The following THSD7B variants were observed in gnomAD, a reference collection of about 807,000 sequenced individuals.
THSD7B encodes thrombospondin type-1 domain-containing protein 7B.
THSD7B carries 138 observed loss-of-function variants against 213.6 expected under a neutral mutation model. The ratio of observed to expected loss-of-function variants is 0.65; its 90% CI spans 0.56 to 0.74. The LOEUF (loss-of-function observed/expected upper bound fraction) is 0.74. Among genes scored for constraint, THSD7B ranks in the 30% least tolerant of loss-of-function variants. THSD7B has a pLI of 0.00. For synonymous variants in THSD7B, 742 were observed against 687.0 expected (o/e 1.08, Z -1.25); for missense variants, 1,931 against 1,991.5 (o/e 0.97, Z 0.58).
chr2:137,079,554 A>C (rs1021328126), intron 3 of THSD7B, among the ~76,000 whole-genome samples: 1 of 152,132 alleles, frequency 6.6e-6, no homozygotes, highest in Middle Eastern at 3.2e-3. Context: ...TTCTTGTTTT[A>C]ATTTGGCTGT....
intron 2 of THSD7B, among the ~76,000 whole-genome samples, chr2:136,995,011 T>C (rs1300819408): frequency 6.6e-6 from 1 of 152,226 alleles, no homozygotes; most frequent in African/African-American, 2.4e-5. Context: ...GCAGTAGTCC[T>C]ATCCCATGTG....
intron 9 of THSD7B, among the ~76,000 whole-genome samples, chr2:137,235,736 C>G (rs1681749590): frequency 1.3e-5 from 2 of 152,148 alleles, no homozygotes; most frequent in Non-Finnish European, 2.9e-5. Flanking sequence ...ATAAGTGAGA[C>G]TAAAATATTA....
chr2:136,774,305 G>A lies in THSD7B; in HGVS notation c.-36+8618G>A, dbSNP rs533059120. Among the ~76,000 whole-genome samples the A allele has an allele frequency of 2.0e-5, 3 of 152,158 alleles. No homozygotes were observed. In the South Asian group the frequency reaches 6.2e-4, roughly 32 times the overall value. On this transcript the variant is annotated intron_variant, in intron 1 of 27. Transcript: ENST00000409968. Reference sequence around the variant, plus strand: ...TATTATAATGACTGTAATTGGAGATGACATGCAGCCCACCAAGGTGATATT... The same window carrying A: ...TATTATAATGACTGTAATTGGAGATAACATGCAGCCCACCAAGGTGATATT...
At chr2:137,037,528 G>A (rs1389360385) in intron 2 of THSD7B, among the ~76,000 whole-genome samples, 2 of 151,792 alleles carry the variant, frequency 1.3e-5, no homozygotes, top group African/African-American at 4.8e-5. Context: ...AATGCAGTCC[G>A]CTGTTATCAT....
rs182083804 is a variant in THSD7B at position 137,060,935 on chromosome 2, G to A, written c.950+3705G>A. On this transcript the variant is annotated intron_variant, in intron 3 of 27. Coordinates refer to ENST00000409968, the MANE Select transcript of THSD7B (RefSeq NM_001316349.2). The stretch of plus-strand genomic sequence containing the variant: ...TTGCATGTAATGGAAGATCAATTTG[G>A]GAAGAACTAATATATTGATAATACT... Among the ~76,000 whole-genome samples, 248 of 151,746 alleles carry A rather than the reference G, an allele frequency of 1.6e-3. 1 individual carries two copies. The highest frequency in any genetic ancestry group is 5.8e-3 in the African/African-American group (241 of 41,436).
At chr2:137,166,620 G>A (rs1253926087) in intron 6 of THSD7B, among the ~76,000 whole-genome samples, 6 of 152,144 alleles carry the variant, frequency 3.9e-5, no homozygotes, top group African/African-American at 1.2e-4. Flanking sequence ...AAACTGAGAA[G>A]CCATGACTCT....
At chr2:137,378,017 C>A (rs1685697914) in intron 12 of THSD7B, among the ~76,000 whole-genome samples, 1 of 152,104 alleles carries the variant, frequency 6.6e-6, no homozygotes, top group South Asian at 2.1e-4. Context: ...TTCATCACTT[C>A]CAAGAGAAAC....
intron 1 of THSD7B, among the ~76,000 whole-genome samples, chr2:136,805,227 A>C (rs746942941): frequency 6.6e-6 from 1 of 151,968 alleles, no homozygotes; most frequent in Non-Finnish European, 1.5e-5. Context: ...ATTAACAGGC[A>C]TTCTCTCTTT....
intron 2 of THSD7B, among the ~76,000 whole-genome samples, chr2:137,052,572 T>C (rs188994215): frequency 6.6e-6 from 1 of 152,028 alleles, no homozygotes; most frequent in African/African-American, 2.4e-5. Context: ...AAAAGCAAGG[T>C]TTTTTTGTAT....
intron 4 of THSD7B, among the ~76,000 whole-genome samples, chr2:137,098,960 T>A (rs1277601278): frequency 1.3e-5 from 2 of 152,198 alleles, no homozygotes; most frequent in Non-Finnish European, 2.9e-5. Context: ...TACATGAAAA[T>A]TAGCATTGTA....
chr2:137,097,838 G>GGA (rs1371142766), intron 4 of THSD7B, among the ~76,000 whole-genome samples: 1 of 150,978 alleles, frequency 6.6e-6, no homozygotes, highest in Non-Finnish European at 1.5e-5. Flanking sequence ...GTAGGAAATA[G>GGA]GAGTATTGGA....
At chr2:137,306,025 C>T (rs146084019) in intron 12 of THSD7B, among the ~76,000 whole-genome samples, 83 of 152,176 alleles carry the variant, frequency 5.5e-4, no homozygotes, top group African/African-American at 1.6e-3. Flanking sequence ...CACCTGTGTG[C>T]GGCACTTACC....
intron 2 of THSD7B, among the ~76,000 whole-genome samples, chr2:136,896,833 T>C (rs1009334576): frequency 1.8e-4 from 27 of 152,242 alleles, no homozygotes; most frequent in African/African-American, 5.8e-4. Context: ...GGCATCTTTG[T>C]TGAAAATCAA....
rs528923083 is a variant in THSD7B at position 137,651,200 on chromosome 2, G to C, written c.3946-4301G>C. Among the ~76,000 whole-genome samples the C allele has an allele frequency of 5.7e-4, 87 of 152,124 alleles. 1 individual carries two copies. The highest frequency in any genetic ancestry group is 1.9e-3 in the South Asian group (9 of 4,820). ...AGAATTCATTAATGAAGCCATCAGA[G>C]TCTGGGTTTTTTTTCATGGGAGACT... On this transcript the variant is annotated intron_variant, in intron 21 of 27. Coordinates refer to ENST00000409968, the MANE Select transcript of THSD7B (RefSeq NM_001316349.2).
chr2:137,557,971 G>C (rs572840543), intron 15 of THSD7B, among the ~76,000 whole-genome samples: 1 of 152,246 alleles, frequency 6.6e-6, no homozygotes, highest in Admixed American at 6.5e-5. Context: ...AGAAGAAATG[G>C]ATAAATTCCT....
intron 15 of THSD7B, among the ~76,000 whole-genome samples, chr2:137,486,288 A>G (rs1324032996): frequency 1.3e-5 from 2 of 150,858 alleles, no homozygotes; most frequent in Admixed American, 6.6e-5. Flanking sequence ...TCAAAATAAA[A>G]GGATGGAGGA....
At chr2:137,448,183 T>C (rs1329663971) in intron 14 of THSD7B, among the ~76,000 whole-genome samples, 2 of 152,186 alleles carry the variant, frequency 1.3e-5, no homozygotes, top group Admixed American at 6.5e-5. Context: ...GTCTCCAGTG[T>C]GGTATCAGCA....
chr2:137,402,949 A>T (rs758210349), intron 12 of THSD7B, among the ~76,000 whole-genome samples: 4 of 152,198 alleles, frequency 2.6e-5, no homozygotes, highest in South Asian at 4.1e-4. Context: ...AAGTTCTCTA[A>T]ATTAACTCTA....
At chr2:136,800,520 A>G (rs985427195) in intron 1 of THSD7B, among the ~76,000 whole-genome samples, 4 of 152,020 alleles carry the variant, frequency 2.6e-5, no homozygotes, top group Middle Eastern at 3.2e-3. Flanking sequence ...AAAACTTAAA[A>G]CGGGCAACCA....
Sources: gnomAD v4.1 joint callset for allele counts (sites outside exome capture counted in the v4.1 genomes callset) on GRCh38, gnomAD v4.1.1 for gene constraint, MANE v1.5 for transcripts, NCBI Gene and HGNC (gene_info 2026-07-23, HGNC 2026-07-21) for gene names.